MBNL2: variants seen among roughly 807,000 people sequenced by gnomAD.
MBNL2 encodes muscleblind like splicing regulator 2, also known as muscleblind-like protein 2.
A neutral mutation model predicts 41.9 loss-of-function variants in MBNL2; 17 were observed. That is an observed-to-expected ratio of 0.41 (90% CI 0.28 to 0.61). MBNL2 has a LOEUF of 0.61. MBNL2 is among the 20% of genes least tolerant of loss of function. The pLI, the probability that MBNL2 is intolerant of heterozygous loss-of-function variation, is 0.35. For synonymous variants in MBNL2, 195 were observed against 182.9 expected, an observed-to-expected ratio of 1.07 and a Z score of -0.53; for missense variants, 336 against 505.6, an observed-to-expected ratio of 0.66 and a Z score of 3.22.
chr13:97,159,979 T>C, the MBNL2 span, among the ~76,000 whole-genome samples: 2 of 152,094 alleles, frequency 1.3e-5, no homozygotes, highest in African/African-American at 4.8e-5. Flanking sequence ...CTGGATAATA[T>C]CCTGCAGAGT....
At chr13:97,301,517 A>G (rs1326540808) in intron 2 of MBNL2, among the ~76,000 whole-genome samples, 1 of 152,198 alleles carries the variant, frequency 6.6e-6, no homozygotes, top group Non-Finnish European at 1.5e-5. Context: ...TGGTCCATCA[A>G]GGGACAAGGA....
chr13:97,350,448 T>C (rs2062340510), intron 5 of MBNL2, among the ~76,000 whole-genome samples: 1 of 152,254 alleles, frequency 6.6e-6, no homozygotes, highest in Non-Finnish European at 1.5e-5. Context: ...TGATTGACTC[T>C]TCCTTTTATG....
intron 2 of MBNL2, among the ~76,000 whole-genome samples, chr13:97,328,573 G>A (rs9582125): frequency 0.17 from 25,619 of 152,168 alleles, 4,515 homozygotes; most frequent in African/African-American, 0.45. Flanking sequence ...CCAGCCCTTC[G>A]CTAGAATCGT....
intron 1 of MBNL2, among the ~76,000 whole-genome samples, chr13:97,231,915 C>T (rs1004426121): frequency 1.3e-5 from 2 of 151,930 alleles, no homozygotes; most frequent in Non-Finnish European, 2.9e-5. Flanking sequence ...CTACTTGCAT[C>T]CTCACATCCT....
intron 5 of MBNL2, among the ~76,000 whole-genome samples, chr13:97,351,870 A>C (rs1477682696): frequency 1.3e-5 from 2 of 152,042 alleles, no homozygotes; most frequent in Non-Finnish European, 2.9e-5. Flanking sequence ...CTAAAAATAC[A>C]AAAATTAGCT....
intron 1 of MBNL2, 138 bp from the exon 2 acceptor site, chr13:97,275,494 A>G (rs1402186315): frequency 1.3e-5 from 2 of 152,154 alleles, no homozygotes; most frequent in Non-Finnish European, 2.9e-5. Flanking sequence ...TATTTAATGC[A>G]TAACTTTTCT....
chr13:97,282,282 G>C (rs375739954), intron 2 of MBNL2, among the ~76,000 whole-genome samples: 5 of 152,098 alleles, frequency 3.3e-5, no homozygotes, highest in African/African-American at 1.2e-4. Flanking sequence ...TTTGGCCCAG[G>C]AGGTTGAGGT....
the MBNL2 span, among the ~76,000 whole-genome samples, chr13:97,174,033 T>A: frequency 6.6e-6 from 1 of 152,216 alleles, no homozygotes; most frequent in Non-Finnish European, 1.5e-5. Flanking sequence ...AGCCAGATAC[T>A]GCCCATTTTT....
At chr13:97,300,350 G>T (rs1173144063) in intron 2 of MBNL2, among the ~76,000 whole-genome samples, 1 of 152,218 alleles carries the variant, frequency 6.6e-6, no homozygotes, top group Non-Finnish European at 1.5e-5. Context: ...TAGGGCAGCA[G>T]CATCCCCAAC....
chr13:97,377,550 C>T (rs2065072240), intron 8 of MBNL2, among the ~76,000 whole-genome samples: 1 of 152,174 alleles, frequency 6.6e-6, no homozygotes, highest in East Asian at 1.9e-4. Flanking sequence ...CTCCTTTTCT[C>T]CAAGTATTTT....
chr13:97,216,311 T>C, the MBNL2 span, among the ~76,000 whole-genome samples: 22 of 152,172 alleles, frequency 1.4e-4, no homozygotes, highest in Admixed American at 2.0e-4. Flanking sequence ...CACCACTCCA[T>C]GTTCGGCATT....
At chr13:97,288,948 T>G (rs572214775) in intron 2 of MBNL2, among the ~76,000 whole-genome samples, 9 of 152,308 alleles carry the variant, frequency 5.9e-5, no homozygotes, top group Admixed American at 2.6e-4. Context: ...TGCCTGAGGT[T>G]GTACCCACAC....
chr13:97,332,100 G>T (rs2060483387), intron 2 of MBNL2, among the ~76,000 whole-genome samples: 1 of 152,134 alleles, frequency 6.6e-6, no homozygotes, highest in African/African-American at 2.4e-5. Context: ...CTCATTTTCT[G>T]GAATTCTGCT....
At chr13:97,360,880 C>T (rs1024197497) in intron 7 of MBNL2, among the ~76,000 whole-genome samples, 8 of 152,234 alleles carry the variant, frequency 5.3e-5, no homozygotes, top group African/African-American at 1.9e-4. Context: ...ATAAGTAGAA[C>T]AGGGGACAGT....
Position 97,343,224 on chromosome 13 carries a change from A to G in MBNL2, c.540+8A>G. ...AGGACTGACAAACTGGAGGTACTTC[A>G]ATTCTACTTGTGTTTTGACATGCAT... On this transcript the variant is annotated splice_region_variant and intron_variant, in intron 4 of 8. Coordinates refer to ENST00000679496, the MANE Select transcript of MBNL2 (RefSeq NM_001382683.1). The G allele has an allele frequency of 6.3e-7, 1 of 1,584,090 alleles. No homozygotes were observed. Among genetic ancestry groups the G allele is most frequent in the Non-Finnish European group, 8.6e-7 (1 of 1,161,222 alleles).
chr13:97,204,545 T>C, the MBNL2 span, among the ~76,000 whole-genome samples: 81 of 152,310 alleles, frequency 5.3e-4, 4 homozygotes, highest in South Asian at 0.014. Flanking sequence ...AGTTCATTTT[T>C]TTGTGAAGCA....
At chr13:97,192,120 T>A in the MBNL2 span, among the ~76,000 whole-genome samples, 1 of 152,056 alleles carries the variant, frequency 6.6e-6, no homozygotes, top group Non-Finnish European at 1.5e-5. Context: ...AACATTCAAA[T>A]CCTCAAAAGG....
intron 8 of MBNL2, among the ~76,000 whole-genome samples, chr13:97,387,313 A>G (rs910823935): frequency 6.6e-6 from 1 of 152,160 alleles, no homozygotes; most frequent in African/African-American, 2.4e-5. Context: ...TGATGCTATA[A>G]GCAGACACGT....
At chr13:97,165,328 T>A in the MBNL2 span, among the ~76,000 whole-genome samples, 1 of 152,216 alleles carries the variant, frequency 6.6e-6, no homozygotes, top group African/African-American at 2.4e-5. Flanking sequence ...ACTGTCACCG[T>A]AATTTAATTG....
Sources: gnomAD v4.1 joint callset for allele counts (sites outside exome capture counted in the v4.1 genomes callset) on GRCh38, gnomAD v4.1.1 for gene constraint, MANE v1.5 for transcripts, NCBI Gene and HGNC (gene_info 2026-07-23, HGNC 2026-07-21) for gene names.